Variants in ADAMTS18 observed in about 807,000 individuals in gnomAD.
The protein encoded by ADAMTS18 is A disintegrin and metalloproteinase with thrombospondin motifs 18.
A neutral mutation model predicts 165.9 loss-of-function variants in ADAMTS18; 157 were observed. The ratio of observed to expected loss-of-function variants is 0.95; its 90% CI spans 0.83 to 1.08. The LOEUF (loss-of-function observed/expected upper bound fraction) is 1.08, where lower values mean the gene tolerates loss of function less well. Among genes scored for constraint, ADAMTS18 ranks in the 50% least tolerant of loss-of-function variants. The pLI is 0.00. For synonymous variants in ADAMTS18, 782 were observed against 578.2 expected, an observed-to-expected ratio of 1.35 and a Z score of -5.06; for missense variants, 2,040 against 1,534.0, an observed-to-expected ratio of 1.33 and a Z score of -5.51.
At chr16:77,359,099 G>A (rs1000712878) in intron 8 of ADAMTS18, among the ~76,000 whole-genome samples, 9 of 152,166 alleles carry the variant, frequency 5.9e-5, no homozygotes, top group Non-Finnish European at 1.0e-4. Context: ...CTGTGCACAC[G>A]AAGGAGTACT....
intron 10 of ADAMTS18, among the ~76,000 whole-genome samples, chr16:77,344,568 G>A (rs1313608196): frequency 6.6e-6 from 1 of 152,062 alleles, no homozygotes; most frequent in African/African-American, 2.4e-5. Context: ...GAACTAAATT[G>A]TTTTTCTTCT....
chr16:77,299,642 G>T (rs1279540488), intron 17 of ADAMTS18, among the ~76,000 whole-genome samples: 2 of 152,174 alleles, frequency 1.3e-5, no homozygotes, highest in African/African-American at 4.8e-5. Context: ...GAGCAAGTGT[G>T]ACAATGGTTT....
rs1388244215 is a variant in ADAMTS18 at position 77,388,088 on chromosome 16, T to C, written c.496-20365A>G. On this transcript the variant is annotated intron_variant, in intron 3 of 22. Coordinates refer to ENST00000282849, the MANE Select transcript of ADAMTS18 (RefSeq NM_199355.4). ...GCACTACGCACTCTGCAAGGCTAGA[T>C]TCACCTACTCAGAAAGCTTTTCTTC... is the stretch of plus-strand genomic sequence containing the variant. 2.6e-5 allele frequency among the ~76,000 whole-genome samples: 4 copies of C among 152,182 alleles called. No individual in the cohort carries two copies. In the East Asian group the frequency reaches 5.8e-4, roughly 22 times the overall value.
Position 77,289,294 on chromosome 16 carries a change from T to C in ADAMTS18, c.3520A>G (p.Thr1174Ala). Reference protein sequence around the residue: ...QKPPVLRACNTNFCPAPEKRE... With the variant: ...QKPPVLRACNANFCPAPEKRE... ...TTTTCAGGAGCTGGACAGAAGTTTG[T>C]ATTACAGGCTCGTAGCACCGGAGGT... Residue 1174 changes from threonine to alanine, a missense_variant, in exon 22 of 23, where the codon ACA becomes GCA. Transcript: ENST00000282849. 1 of 1,614,140 alleles carries C rather than the reference T, an allele frequency of 6.2e-7. No individual in the cohort carries two copies. Among genetic ancestry groups the C allele is most frequent in the Non-Finnish European group, 8.5e-7 (1 of 1,180,014 alleles).
chr16:77,391,113 A>T (rs768976049), intron 3 of ADAMTS18, among the ~76,000 whole-genome samples: 32 of 152,338 alleles, frequency 2.1e-4, no homozygotes, highest in Non-Finnish European at 4.0e-4. Context: ...AGGAGTGTCT[A>T]TCTACATAAA....
At chr16:77,375,865 T>G (rs1597192631) in intron 3 of ADAMTS18, among the ~76,000 whole-genome samples, 1 of 150,656 alleles carries the variant, frequency 6.6e-6, no homozygotes, top group South Asian at 2.1e-4. Flanking sequence ...AGGCAAAGGG[T>G]TTTATGTCGT....
chr16:77,372,125 A>C (rs2056884953), intron 3 of ADAMTS18, among the ~76,000 whole-genome samples: 1 of 152,216 alleles, frequency 6.6e-6, no homozygotes, highest in African/African-American at 2.4e-5. Context: ...AATAAATGCT[A>C]GCATGGATGT....
intron 3 of ADAMTS18, among the ~76,000 whole-genome samples, chr16:77,385,378 G>T (rs2057092286): frequency 6.6e-6 from 1 of 152,172 alleles, no homozygotes; most frequent in Non-Finnish European, 1.5e-5. Context: ...TTTCTGAGAA[G>T]GAATAGTTGA....
chr16:77,363,753 A>C, intron 6 of ADAMTS18, 49 bp downstream of exon 6: 1 of 1,555,100 alleles, frequency 6.4e-7, no homozygotes, highest in Non-Finnish European at 8.9e-7. Context: ...CAAGAAATGT[A>C]TTCTGAACGG....
At chr16:77,400,609 G>C (rs36010689) in intron 3 of ADAMTS18, among the ~76,000 whole-genome samples, 27,532 of 151,562 alleles carry the variant, frequency 0.18, 3,208 homozygotes, top group Non-Finnish European at 0.27. Context: ...AGCCTCCTAA[G>C]TAGCTGGGAC....
intron 16 of ADAMTS18, among the ~76,000 whole-genome samples, chr16:77,309,357 T>A (rs1218599785): frequency 6.6e-6 from 1 of 152,136 alleles, no homozygotes; most frequent in African/African-American, 2.4e-5. Flanking sequence ...CCTAAGAAAT[T>A]TAAGACCTAA....
chr16:77,335,788 G>C lies in ADAMTS18; in HGVS notation c.1827C>G (p.Val609=). The C allele has an allele frequency of 6.2e-7, 1 of 1,614,216 alleles. No individual in the cohort carries two copies. Among genetic ancestry groups the C allele is most frequent in the Non-Finnish European group, 8.5e-7 (1 of 1,180,038 alleles). ...SECSRTCGGG[V]KFQERHCNNP... ...TATTGCAGTGTCTCTCCTGGAACTT[G>C]ACTCCTCCACCACATGTCCGGGAAC... Residue 609 remains valine, a synonymous_variant, in exon 12 of 23, where the codon GTC becomes GTG. Transcript: ENST00000282849.
Position 77,344,759 on chromosome 16 carries a change from G to A in ADAMTS18, c.1615-2960C>T, listed in dbSNP as rs527911279. Among the ~76,000 whole-genome samples the A allele has an allele frequency of 5.3e-5, 8 of 152,036 alleles. No homozygotes were observed. The East Asian group carries it at 1.4e-3, about 26-fold the overall frequency. On this transcript the variant is annotated intron_variant, in intron 10 of 22. Coordinates refer to ENST00000282849, the MANE Select transcript of ADAMTS18 (RefSeq NM_199355.4). ...AAAGCAAAACAAAAAAAAAAACACA[G>A]GGATTCCAGAGTGAAATAAGACAGG... is the stretch of plus-strand genomic sequence containing the variant.
At position 77,321,199 on chromosome 16, in the gene ADAMTS18, C is replaced by T; in HGVS notation, c.2167G>A (p.Val723Met). ...GAGCCTAGTTCATGATCACATCCCACTAGCTGTGACAAAAACAAAAAACGT... is the reference window on the plus strand; with the variant it reads ...GAGCCTAGTTCATGATCACATCCCATTAGCTGTGACAAAAACAAAAAACGT... ...DVCIDGVCEL[V>M]GCDHELGSKA... The change falls in exon 15 of 23, where the codon GTG becomes ATG. Residue 723 changes from valine (V) to methionine (M), a missense_variant. Val to Met is a conservative substitution (Grantham distance 21). Coordinates refer to ENST00000282849, the MANE Select transcript of ADAMTS18 (RefSeq NM_199355.4). The T allele has an allele frequency of 1.2e-6, 2 of 1,614,144 alleles. No individual in the cohort carries two copies. Among genetic ancestry groups the T allele is most frequent in the South Asian group, 2.2e-5 (2 of 91,084 alleles).
chr16:77,324,817 C>G (rs954413375), intron 13 of ADAMTS18, among the ~76,000 whole-genome samples: 2 of 152,118 alleles, frequency 1.3e-5, no homozygotes, highest in African/African-American at 4.8e-5. Context: ...GAATGTAAGT[C>G]GTTTCTCATG....
intron 3 of ADAMTS18, among the ~76,000 whole-genome samples, chr16:77,409,168 A>T (rs2057429935): frequency 6.6e-6 from 1 of 152,154 alleles, no homozygotes; most frequent in South Asian, 2.1e-4. Context: ...TGGGAGGGCT[A>T]CGTACTCATT....
intron 22 of ADAMTS18, among the ~76,000 whole-genome samples, chr16:77,285,987 T>C (rs537440864): frequency 3.3e-5 from 5 of 150,526 alleles, no homozygotes; most frequent in African/African-American, 1.3e-4. Context: ...TCTTCTCTTC[T>C]GCTCAAAGTT....
intron 3 of ADAMTS18, among the ~76,000 whole-genome samples, chr16:77,369,926 T>C (rs544137460): frequency 6.6e-6 from 1 of 152,322 alleles, no homozygotes; most frequent in Admixed American, 6.5e-5. Context: ...TGCAATAGTT[T>C]AACATACATT....
chr16:77,387,187 T>C (rs909585799), intron 3 of ADAMTS18, among the ~76,000 whole-genome samples: 3 of 152,232 alleles, frequency 2.0e-5, no homozygotes, highest in Non-Finnish European at 4.4e-5. Flanking sequence ...TTCCTCCTGC[T>C]GTCATCGATT....
Sources: allele counts gnomAD v4.1 joint callset (sites outside exome capture counted in the v4.1 genomes callset), GRCh38; gene constraint gnomAD v4.1.1; transcripts MANE v1.5; gene names NCBI Gene and HGNC (gene_info 2026-07-23, HGNC 2026-07-21).